The following LUZP2 variants were observed in gnomAD, a reference collection of about 807,000 sequenced individuals.
LUZP2 encodes the protein leucine zipper protein 2.
A neutral mutation model predicts 51.6 loss-of-function variants in LUZP2; 52 were observed. The observed-to-expected ratio is 1.01, with a 90% confidence interval of 0.81 to 1.27. The LOEUF is 1.27. Among genes scored for constraint, LUZP2 ranks in the 50% most tolerant of loss-of-function variants. LUZP2 has a pLI of 0.00. For synonymous variants in LUZP2, 154 were observed against 137.3 expected, an observed-to-expected ratio of 1.12 and a Z score of -0.85; for missense variants, 436 against 395.4, an observed-to-expected ratio of 1.10 and a Z score of -0.87.
At chr11:24,593,555 G>T (rs942507933) in intron 1 of LUZP2, among the ~76,000 whole-genome samples, 1 of 152,096 alleles carries the variant, frequency 6.6e-6, no homozygotes, top group African/African-American at 2.4e-5. Context: ...GTCTTGGCTT[G>T]CCCAGAACAT....
chr11:24,637,785 C>T (rs1855154723), intron 1 of LUZP2, among the ~76,000 whole-genome samples: 1 of 151,928 alleles, frequency 6.6e-6, no homozygotes, highest in East Asian at 1.9e-4. Context: ...AGATGTTTAT[C>T]AAGACAATGA....
At chr11:24,743,694 C>G (rs950866810) in intron 4 of LUZP2, among the ~76,000 whole-genome samples, 3 of 151,986 alleles carry the variant, frequency 2.0e-5, no homozygotes, top group African/African-American at 7.3e-5. Context: ...TTTCTCTTTT[C>G]TGATTGCTCT....
At chr11:24,972,294 A>G (rs1855763569) in intron 7 of LUZP2, among the ~76,000 whole-genome samples, 1 of 152,090 alleles carries the variant, frequency 6.6e-6, no homozygotes, top group Non-Finnish European at 1.5e-5. Flanking sequence ...ATGACAAGTA[A>G]TATAAACTGT....
chr11:24,529,100 A>G (rs1356798112), intron 1 of LUZP2, among the ~76,000 whole-genome samples: 1 of 150,904 alleles, frequency 6.6e-6, no homozygotes, highest in African/African-American at 2.4e-5. Context: ...CATCCTCCAC[A>G]TCATAGAACT....
intron 10 of LUZP2, among the ~76,000 whole-genome samples, chr11:25,053,408 A>G (rs577894782): frequency 1.1e-3 from 162 of 152,254 alleles, no homozygotes; most frequent in Non-Finnish European, 1.8e-3. Flanking sequence ...AAAAAGCTTT[A>G]TTGAGATATA....
chr11:24,989,929 A>G (rs1408225380), intron 9 of LUZP2, among the ~76,000 whole-genome samples: 1 of 152,094 alleles, frequency 6.6e-6, no homozygotes, highest in African/African-American at 2.4e-5. Flanking sequence ...AAATTGATTC[A>G]TTATTTTTCC....
intron 1 of LUZP2, among the ~76,000 whole-genome samples, chr11:24,556,107 C>G (rs1054169782): frequency 6.6e-6 from 1 of 152,166 alleles, no homozygotes; most frequent in East Asian, 1.9e-4. Flanking sequence ...GCTTTTTCAA[C>G]TGAAAAACAC....
At chr11:24,806,769 C>T (rs1849866811) in intron 5 of LUZP2, among the ~76,000 whole-genome samples, 1 of 151,876 alleles carries the variant, frequency 6.6e-6, no homozygotes, top group Admixed American at 6.6e-5. Flanking sequence ...GACTTTGGAA[C>T]ACAGAAGAGT....
In LUZP2 at chr11:24,511,272, C is replaced by T. The variant is rs144944515; in HGVS notation, c.62+13967C>T. Among the ~76,000 whole-genome samples, 830 of 152,116 alleles carry T rather than the reference C, an allele frequency of 5.5e-3. 5 individuals are homozygous for T. Among genetic ancestry groups the T allele is most frequent in the African/African-American group, 0.017 (710 of 41,488 alleles). On this transcript the variant is annotated intron_variant, in intron 1 of 11. Transcript: ENST00000336930. The stretch of plus-strand genomic sequence containing the variant: ...ACAGATTTTTGGAAACCACAACTTA[C>T]GTGAAATGATGTGTAGCAGGTTTCC...
intron 1 of LUZP2, among the ~76,000 whole-genome samples, chr11:24,598,782 G>T (rs1282551573): frequency 6.6e-6 from 1 of 152,138 alleles, no homozygotes; most frequent in Non-Finnish European, 1.5e-5. Flanking sequence ...AAATGGAAAG[G>T]CTGCAGCTGT....
chr11:25,006,607 C>T (rs986567786), intron 9 of LUZP2, among the ~76,000 whole-genome samples: 4 of 152,224 alleles, frequency 2.6e-5, no homozygotes, highest in Middle Eastern at 3.4e-3. Flanking sequence ...AACATGTGCC[C>T]GGTATTTAGC....
chr11:24,681,438 A>C (rs1170555148), intron 1 of LUZP2, among the ~76,000 whole-genome samples: 1 of 152,176 alleles, frequency 6.6e-6, no homozygotes, highest in African/African-American at 2.4e-5. Context: ...GAGCTTTTCA[A>C]ATCTAAGGAA....
At chr11:24,616,414 C>T (rs1030146498) in intron 1 of LUZP2, among the ~76,000 whole-genome samples, 7 of 150,452 alleles carry the variant, frequency 4.7e-5, no homozygotes, top group African/African-American at 1.7e-4. Flanking sequence ...TTTAAGTCGA[C>T]AATTTTTAAT....
chr11:25,024,151 T>G (rs908665072), intron 9 of LUZP2, among the ~76,000 whole-genome samples: 1 of 152,096 alleles, frequency 6.6e-6, no homozygotes, highest in East Asian at 1.9e-4. Flanking sequence ...CTATTAGGTC[T>G]GCTTGGTGCA....
At chr11:24,780,221 T>C (rs1442700963) in intron 5 of LUZP2, among the ~76,000 whole-genome samples, 1 of 152,178 alleles carries the variant, frequency 6.6e-6, no homozygotes, top group Non-Finnish European at 1.5e-5. Flanking sequence ...TTTCCAGCTA[T>C]TAATTCTGAA....
intron 9 of LUZP2, among the ~76,000 whole-genome samples, chr11:25,016,614 G>A (rs567677022): frequency 6.5e-5 from 9 of 138,948 alleles, no homozygotes; most frequent in Middle Eastern, 3.7e-3. Context: ...ACAAACACAC[G>A]TGTTACATAT....
chr11:24,925,628 A>T (rs1275627687), intron 7 of LUZP2, among the ~76,000 whole-genome samples: 1 of 152,148 alleles, frequency 6.6e-6, no homozygotes, highest in East Asian at 1.9e-4. Context: ...AAACAATGAC[A>T]AGTGAAATTC....
chr11:24,862,605 G>T (rs574426007), intron 5 of LUZP2, among the ~76,000 whole-genome samples: 1 of 152,270 alleles, frequency 6.6e-6, no homozygotes, highest in Admixed American at 6.5e-5. Context: ...TGGATAAAGA[G>T]TCAAGATCCA....
At chr11:24,566,817 T>G (rs991571934) in intron 1 of LUZP2, among the ~76,000 whole-genome samples, 2 of 142,470 alleles carry the variant, frequency 1.4e-5, no homozygotes, top group African/African-American at 5.0e-5. Context: ...TATATATAAC[T>G]TATATATACA....
Sources: gnomAD v4.1 joint callset for allele counts (sites outside exome capture counted in the v4.1 genomes callset) on GRCh38, gnomAD v4.1.1 for gene constraint, MANE v1.5 for transcripts, NCBI Gene and HGNC (gene_info 2026-07-23, HGNC 2026-07-21) for gene names.